BICRAL: variants seen among roughly 807,000 people sequenced by gnomAD.
BICRAL encodes BICRA like chromatin remodeling complex associated protein, also known as BRD4-interacting chromatin-remodeling complex-associated protein-like.
A neutral mutation model predicts 91.8 loss-of-function variants in BICRAL; 8 were observed. That is an observed-to-expected ratio of 0.09 (90% confidence interval 0.05 to 0.16). The LOEUF (loss-of-function observed/expected upper bound fraction) is 0.16, where lower values mean the gene tolerates loss of function less well. Ranked by LOEUF, BICRAL falls within the 10% of genes least tolerant of loss-of-function variation. BICRAL has a pLI of 1.00. For missense variants in BICRAL, 1,038 were observed against 1,310.9 expected (o/e 0.79, Z 3.21); for synonymous variants, 445 against 491.1 (o/e 0.91, Z 1.24).
Position 42,854,977 on chromosome 6 carries a change from A to G in BICRAL, c.2047-879A>G, listed in dbSNP as rs1217369360. ...TTTCTTGTTTTCAGCTTACTAAGAC[A>G]GTTTCGTTTCCATCAGACCTACCAA... is the stretch of plus-strand genomic sequence containing the variant. On this transcript the variant is annotated intron_variant, in intron 8 of 12. Transcript: ENST00000314073. Among the ~76,000 whole-genome samples the G allele has an allele frequency of 3.9e-5, 6 of 152,208 alleles. No homozygotes were observed. In the East Asian group the frequency reaches 5.8e-4, roughly 15 times the overall value.
At chr6:42,810,570 G>A (rs759841146) in intron 2 of BICRAL, among the ~76,000 whole-genome samples, 169 bp downstream of exon 2, 10 of 152,158 alleles carry the variant, frequency 6.6e-5, no homozygotes, top group Non-Finnish European at 1.2e-4. Context: ...GACATGAATC[G>A]TTATTTGCCC....
chr6:42,839,901 G>A (rs1277517673), intron 6 of BICRAL, among the ~76,000 whole-genome samples: 1 of 152,134 alleles, frequency 6.6e-6, no homozygotes, highest in Admixed American at 6.6e-5. Context: ...CTCAAACCTG[G>A]AATCAGCCAT....
chr6:42,802,442 T>C (rs1365539386), intron 1 of BICRAL, among the ~76,000 whole-genome samples: 1 of 151,784 alleles, frequency 6.6e-6, no homozygotes, highest in African/African-American at 2.4e-5. Flanking sequence ...TTGTTGTTGT[T>C]GTTGTTGTTG....
At chr6:42,750,016 G>A (rs1363983171) in intron 1 of BICRAL, among the ~76,000 whole-genome samples, 3 of 151,636 alleles carry the variant, frequency 2.0e-5, no homozygotes, top group East Asian at 1.9e-4. Context: ...CACCACGCCC[G>A]GCTAATTTTT....
intron 1 of BICRAL, among the ~76,000 whole-genome samples, chr6:42,807,677 G>T (rs1418593810): frequency 6.6e-6 from 1 of 151,340 alleles, no homozygotes; most frequent in Non-Finnish European, 1.5e-5. Flanking sequence ...GTGGTGGCGC[G>T]TGCTTGTAGT....
At chr6:42,752,183 G>A (rs1303401139) in intron 1 of BICRAL, among the ~76,000 whole-genome samples, 2 of 152,338 alleles carry the variant, frequency 1.3e-5, no homozygotes, top group African/African-American at 4.8e-5. Flanking sequence ...GACAGGAGCA[G>A]CCTTTTCCTT....
At chr6:42,822,331 C>T (rs1444920198) in intron 3 of BICRAL, among the ~76,000 whole-genome samples, 1 of 151,624 alleles carries the variant, frequency 6.6e-6, no homozygotes, top group Non-Finnish European at 1.5e-5. Flanking sequence ...GCCTCCACCT[C>T]CCAGGCCCAC....
At chr6:42,844,463 C>T (rs570601364) in intron 6 of BICRAL, among the ~76,000 whole-genome samples, 1 of 129,282 alleles carries the variant, frequency 7.7e-6, no homozygotes, top group African/African-American at 2.8e-5. Flanking sequence ...GAGCCGAGAT[C>T]GCGCCACTGC....
chr6:42,802,835 C>T (rs1042947177), intron 1 of BICRAL, among the ~76,000 whole-genome samples: 2 of 152,090 alleles, frequency 1.3e-5, no homozygotes, highest in African/African-American at 4.8e-5. Flanking sequence ...CCGTCCTCAG[C>T]CTCCCAAAGT....
At chr6:42,788,466 C>T (rs1414489240) in intron 1 of BICRAL, among the ~76,000 whole-genome samples, 5 of 151,978 alleles carry the variant, frequency 3.3e-5, no homozygotes, top group Non-Finnish European at 4.4e-5. Flanking sequence ...AGGTGATCCA[C>T]GCACCTAGGC....
At chr6:42,863,306 C>T (rs1765615052) in intron 12 of BICRAL, among the ~76,000 whole-genome samples, 1 of 152,162 alleles carries the variant, frequency 6.6e-6, no homozygotes, top group Non-Finnish European at 1.5e-5. Context: ...CCTTGGCCTC[C>T]CAAAGTGCTG....
chr6:42,812,174 TG>T (rs1763859218), intron 2 of BICRAL, among the ~76,000 whole-genome samples: 1 of 152,200 alleles, frequency 6.6e-6, no homozygotes, highest in African/African-American at 2.4e-5. Flanking sequence ...TCATTTTTTT[TG>T]TTGGCCAGAT....
intron 1 of BICRAL, among the ~76,000 whole-genome samples, chr6:42,789,932 C>T (rs1763219086): frequency 6.6e-6 from 1 of 152,052 alleles, no homozygotes; most frequent in African/African-American, 2.4e-5. Flanking sequence ...CATTTGCTGA[C>T]TCAGTACTTG....
At chr6:42,834,006 C>T (rs1764573249) in intron 6 of BICRAL, among the ~76,000 whole-genome samples, 2 of 151,970 alleles carry the variant, frequency 1.3e-5, no homozygotes, top group East Asian at 3.9e-4. Context: ...AGGCATGTAC[C>T]ACCACGCCCA....
chr6:42,748,134 G>A (rs1436176502), intron 1 of BICRAL, among the ~76,000 whole-genome samples: 1 of 131,932 alleles, frequency 7.6e-6, no homozygotes, highest in Non-Finnish European at 1.6e-5. Context: ...TTCCAGAAAA[G>A]CAGGTTTATT....
At chr6:42,813,460 C>T (rs901037978) in intron 2 of BICRAL, among the ~76,000 whole-genome samples, 1 of 152,092 alleles carries the variant, frequency 6.6e-6, no homozygotes, top group Admixed American at 6.6e-5. Context: ...AGGAAAAAAA[C>T]TCATCAATCT....
rs575704292 is a variant in BICRAL, at chr6:42,798,704, A to G, written c.-101-11602A>G. ...TCTCTAAATAAATACATAAAATCAG[A>G]AAAAAAATTGTGTAGTGTTTGCATA... On this transcript the variant is annotated intron_variant, in intron 1 of 12. Transcript: ENST00000314073. Among the ~76,000 whole-genome samples the G allele has an allele frequency of 3.3e-5, 5 of 152,224 alleles. No individual in the cohort carries two copies. In the East Asian group the frequency reaches 7.7e-4, roughly 24 times the overall value.
chr6:42,863,988 A>T (rs543837148), intron 12 of BICRAL, among the ~76,000 whole-genome samples: 42 of 152,030 alleles, frequency 2.8e-4, no homozygotes, highest in Admixed American at 2.0e-3. Flanking sequence ...ACATGGCGAA[A>T]CCCTGCCTCT....
chr6:42,786,372 G>C (rs1763103707), intron 1 of BICRAL, among the ~76,000 whole-genome samples: 1 of 152,180 alleles, frequency 6.6e-6, no homozygotes, highest in Non-Finnish European at 1.5e-5. Context: ...GTGACTTCCA[G>C]TTTTTGAAGG....
Sources: allele counts gnomAD v4.1 joint callset (sites outside exome capture counted in the v4.1 genomes callset), GRCh38; gene constraint gnomAD v4.1.1; transcripts MANE v1.5; gene names NCBI Gene and HGNC (gene_info 2026-07-23, HGNC 2026-07-21).